COX18: variants seen among roughly 807,000 people sequenced by gnomAD.
COX18 encodes cytochrome c oxidase assembly factor COX18.
In COX18, 45 loss-of-function variants were observed where a neutral mutation model predicts 38.0. The observed-to-expected ratio is 1.18, with a 90% CI of 0.93 to 1.52. COX18 has a LOEUF of 1.52. COX18 is among the 40% of genes most tolerant of loss of function. The probability of loss-of-function intolerance (pLI) is 0.00; values close to 1 mark genes in which losing one functional copy is unlikely to be tolerated. For missense variants in COX18, 462 were observed against 423.8 expected, an observed-to-expected ratio of 1.09 and a Z score of -0.79; for synonymous variants, 177 against 169.8, an observed-to-expected ratio of 1.04 and a Z score of -0.33.
In COX18 at chr4:73,069,540, G is replaced by A; in HGVS notation, c.110C>T (p.Thr37Ile). 1 of 1,577,826 alleles carries A rather than the reference G, an allele frequency of 6.3e-7. No homozygotes were observed. The highest frequency in any genetic ancestry group is 8.6e-7 in the Non-Finnish European group (1 of 1,162,328). ...PVPTSGAKRPTLPVWAVAPVS... is the reference protein window; with the variant it reads ...PVPTSGAKRPILPVWAVAPVS... ...TGGTGCCACTGCCCACACTGGGAGA[G>A]TGGGGCGCTTGGCGCCGCTCGTAGG... Residue 37 changes from threonine to isoleucine, a missense_variant, in exon 1 of 6, where the codon ACT becomes ATT. Coordinates refer to ENST00000507544, the MANE Select transcript of COX18 (RefSeq NM_001297732.2).
rs935584800 is a variant in COX18, at chr4:73,056,725, G to A, written c.*1389C>T. The A allele has an allele frequency of 4.6e-5, 7 of 152,020 alleles. No individual in the cohort carries two copies. Among genetic ancestry groups the A allele is most frequent in the African/African-American group, 1.4e-4 (6 of 41,392 alleles). The allele number at this position is 152,020 out of a possible 1,614,324, so 9.4% of individuals were successfully genotyped here. On this transcript the variant is annotated 3_prime_UTR_variant, in exon 6 of 6. Transcript: ENST00000507544. ...TCTTCCTGGTAACAAGGAAGTCCCC[G>A]TATTGTGAGTCTTAAGATTTTTCTG...
At position 73,069,498 on chromosome 4, in the gene COX18, G is replaced by C. The variant is rs748447303; in HGVS notation, c.152C>G (p.Ala51Gly). ...GGCCAGGGCCTCGTACCAGCCGTTCGCATGTACTGCAGAGACTGGTGCCAC... is the reference window on the plus strand; with the variant it reads ...GGCCAGGGCCTCGTACCAGCCGTTCCCATGTACTGCAGAGACTGGTGCCAC... ...WAVAPVSAVH[A>G]NGWYEALAAS... Residue 51 changes from alanine to glycine, a missense_variant, in exon 1 of 6, where the codon GCG becomes GGG. Physicochemically the swap from Ala to Gly is moderately conservative, Grantham distance 60. Coordinates refer to ENST00000507544, the MANE Select transcript of COX18 (RefSeq NM_001297732.2). The C allele has an allele frequency of 1.9e-6, 3 of 1,591,904 alleles. No homozygotes were observed. The East Asian group carries it at 6.8e-5, about 36-fold the overall frequency.
rs1196790653 is a variant in COX18, at chr4:73,057,509, T to A, written c.*605A>T. 1 of 152,214 alleles carries A rather than the reference T, an allele frequency of 6.6e-6. No homozygotes were observed. The highest frequency in any genetic ancestry group is 1.5e-5 in the Non-Finnish European group (1 of 68,066). The allele number at this position is 152,214 out of a possible 1,614,324, so 9.4% of individuals were successfully genotyped here. A position where few individuals can be genotyped will look rare whatever the true frequency, so the allele number is the denominator to read the frequency against. ...CAGTATTGTTTAGTTTAACTTGCCA[T>A]CATTCAGTAGCTAACCCTATTCTCC... On this transcript the variant is annotated 3_prime_UTR_variant, in exon 6 of 6. Transcript: ENST00000507544.
In COX18 at chr4:73,056,808, T is replaced by C. The variant is rs1253826564; in HGVS notation, c.*1306A>G. ...AGATGCTCAAAGAGGTCTAAAATCCTCTCCACCTCCAAAATAATAAGAAAC... is the reference window on the plus strand; with the variant it reads ...AGATGCTCAAAGAGGTCTAAAATCCCCTCCACCTCCAAAATAATAAGAAAC... On this transcript the variant is annotated 3_prime_UTR_variant, in exon 6 of 6. Coordinates refer to ENST00000507544, the MANE Select transcript of COX18 (RefSeq NM_001297732.2). The C allele has an allele frequency of 1.3e-5, 2 of 152,334 alleles. No individual in the cohort carries two copies. The highest frequency in any genetic ancestry group is 1.3e-4 in the Admixed American group (2 of 15,300). The allele number at this position is 152,334 out of a possible 1,614,324, so 9.4% of individuals were successfully genotyped here. A position where few individuals can be genotyped will look rare whatever the true frequency, so the allele number is the denominator to read the frequency against.
At chr4:73,062,000 T>C (rs546104974) in intron 4 of COX18, 80 bp from the exon 5 acceptor site, 11 of 725,332 alleles carry the variant, frequency 1.5e-5, no homozygotes, top group Non-Finnish European at 2.6e-5. Flanking sequence ...TATAAACTGA[T>C]TTTTCACTGG....
chr4:73,058,986 G>C (rs530553816), intron 5 of COX18, among the ~76,000 whole-genome samples: 1 of 152,190 alleles, frequency 6.6e-6, no homozygotes, highest in African/African-American at 2.4e-5. Context: ...TTCACAATAG[G>C]GTTCGTGCTA....
chr4:73,067,203 T>C (rs1224671149), intron 2 of COX18, among the ~76,000 whole-genome samples: 1 of 152,212 alleles, frequency 6.6e-6, no homozygotes, highest in African/African-American at 2.4e-5. Context: ...GTGGCACTTG[T>C]TTTCTACCTC....
chr4:73,065,173 T>G (rs1720373628), intron 3 of COX18, 77 bp downstream of exon 3: 2 of 184,224 alleles, frequency 1.1e-5, no homozygotes, highest in Non-Finnish European at 1.9e-5. Flanking sequence ...AAAAGTATGC[T>G]TTTTTTTTTT....
intron 5 of COX18, among the ~76,000 whole-genome samples, 197 bp downstream of exon 5, chr4:73,061,616 G>A (rs1434812947): frequency 5.8e-4 from 88 of 151,774 alleles, no homozygotes; most frequent in South Asian, 2.1e-4. Context: ...GCTGAGGCCG[G>A]AGAATGGCGT....
At position 73,069,353 on chromosome 4, in the gene COX18, C is replaced by G; in HGVS notation, c.297G>C (p.Leu99=). The stretch of plus-strand genomic sequence containing the variant: ...TGTAGTGCTGGTAGGCTGCCAAAGG[C>G]AGCGTGACAGCACCCCGTAAGGCCA... ...STVALRGAVT[L]PLAAYQHYIL... Residue 99 remains leucine, a synonymous_variant, in exon 1 of 6, where the codon CTG becomes CTC. Transcript: ENST00000507544. 5 of 1,552,042 alleles carry G rather than the reference C, an allele frequency of 3.2e-6. No individual in the cohort carries two copies. Among genetic ancestry groups the G allele is most frequent in the Non-Finnish European group, 4.4e-6 (5 of 1,148,664 alleles).
chr4:73,068,185 C>T, intron 1 of COX18, 56 bp from the exon 2 acceptor site: 1 of 1,081,528 alleles, frequency 9.2e-7, no homozygotes, highest in Non-Finnish European at 1.3e-6. Context: ...TTCATAATGA[C>T]TCATAATCTT....
At chr4:73,064,219 C>G (rs1371655901) in intron 4 of COX18, among the ~76,000 whole-genome samples, 1 of 151,448 alleles carries the variant, frequency 6.6e-6, no homozygotes, top group Non-Finnish European at 1.5e-5. Context: ...CGCCATTACA[C>G]TCCGGCCTGG....
rs1254770110 is a variant in COX18 at position 73,054,373 on chromosome 4, A to G, written c.*3741T>C. 1 of 152,230 alleles carries G rather than the reference A, an allele frequency of 6.6e-6. No individual in the cohort carries two copies. The highest frequency in any genetic ancestry group is 2.4e-5 in the African/African-American group (1 of 41,460). The allele number at this position is 152,230 out of a possible 1,614,324, so 9.4% of individuals were successfully genotyped here. On this transcript the variant is annotated 3_prime_UTR_variant, in exon 6 of 6. Coordinates refer to ENST00000507544, the MANE Select transcript of COX18 (RefSeq NM_001297732.2). ...AGATTTTTTGCTCTTTACTAAAAAA[A>G]ATCTGCCTGAAGAAAAAAATCAAGA...
At chr4:73,063,312 AAAACAAACAAAC>A (rs142907172) in intron 4 of COX18, among the ~76,000 whole-genome samples, 1 of 151,898 alleles carries the variant, frequency 6.6e-6, no homozygotes, top group Non-Finnish European at 1.5e-5. Context: ...TCTCAAGAAA[AAAACAAACAAAC>A]AAACAAACAA....
chr4:73,062,284 G>T (rs1196328443), intron 4 of COX18, among the ~76,000 whole-genome samples: 1 of 150,806 alleles, frequency 6.6e-6, no homozygotes, highest in Non-Finnish European at 1.5e-5. Context: ...CTCTAGTCCA[G>T]AAGTTTGAGG....
chr4:73,069,520 C>G lies in COX18; in HGVS notation c.130G>C (p.Ala44Pro). The G allele has an allele frequency of 6.3e-7, 1 of 1,584,914 alleles. No individual in the cohort carries two copies. The highest frequency in any genetic ancestry group is 1.1e-5 in the South Asian group (1 of 87,208). ...KRPTLPVWAV[A>P]PVSAVHANGW... ...TTCGCATGTACTGCAGAGACTGGTG[C>G]CACTGCCCACACTGGGAGAGTGGGG... Residue 44 changes from alanine to proline, a missense_variant, in exon 1 of 6, where the codon GCA becomes CCA. Ala to Pro is a conservative substitution (Grantham distance 27). Transcript: ENST00000507544.
intron 5 of COX18, 104 bp from the exon 6 acceptor site, chr4:73,058,391 A>G: frequency 1.4e-6 from 1 of 737,878 alleles, no homozygotes; most frequent in South Asian, 2.2e-5. Flanking sequence ...CAAGTATGCC[A>G]AGACTAAGCA....
chr4:73,068,057 G>T lies in COX18; in HGVS notation c.406C>A (p.Gln136Lys). Residue 136 changes from glutamine to lysine, a missense_variant, in exon 2 of 6, where the codon CAG becomes AAG. Gln to Lys is a moderately conservative substitution (Grantham distance 53). Coordinates refer to ENST00000507544, the MANE Select transcript of COX18 (RefSeq NM_001297732.2). ...LNQEVAVRAN[Q>K]LGWSKRDARL... is the part of the protein sequence containing the mutation. ...GCATCTCTTTTGGACCACCCCAACT[G>T]ATTTGCACGAACTGCAACTTCTTGG... 6.2e-7 allele frequency: 1 copy of T among 1,610,418 alleles called. No individual in the cohort carries two copies.
At chr4:73,059,073 G>T (rs1037150781) in intron 5 of COX18, among the ~76,000 whole-genome samples, 10 of 152,164 alleles carry the variant, frequency 6.6e-5, no homozygotes, top group Non-Finnish European at 1.3e-4. Flanking sequence ...CTCACCTCCT[G>T]CTGTCAGCCG....
Sources: allele counts gnomAD v4.1 joint callset (sites outside exome capture counted in the v4.1 genomes callset), GRCh38; gene constraint gnomAD v4.1.1; transcripts MANE v1.5; gene names NCBI Gene and HGNC (gene_info 2026-07-23, HGNC 2026-07-21).